The following ALOX12B variants were observed in gnomAD, a reference collection of about 807,000 sequenced individuals.
ALOX12B encodes the protein arachidonate 12-lipoxygenase, 12R-type.
In ALOX12B, 47 loss-of-function variants were observed where a neutral mutation model predicts 78.9. The ratio of observed to expected loss-of-function variants is 0.60; its 90% CI spans 0.47 to 0.76. The LOEUF is 0.76. ALOX12B is among the 30% of genes least tolerant of loss of function. The pLI is 0.00. For synonymous variants in ALOX12B, 370 were observed against 374.5 expected (o/e 0.99, Z 0.14); for missense variants, 805 against 922.6 (o/e 0.87, Z 1.65).
rs1230464144 is a variant in ALOX12B at position 8,079,844 on chromosome 17, T to C, written c.852A>G (p.Pro284=). 1.2e-6 allele frequency: 2 copies of C among 1,613,468 alleles called. No individual in the cohort carries two copies. The highest frequency in any genetic ancestry group is 1.7e-6 in the Non-Finnish European group (2 of 1,179,972). ...TGTCGTCTGTGACGGGGAACTTGTC[T>C]GGGATCCGCGTGCAGCGGCGGATCA... ...PGLIRRCTRI[P]DKFPVTDDMV... Residue 284 remains proline, a synonymous_variant, in exon 7 of 15, where the codon CCA becomes CCG. Coordinates refer to ENST00000647874, the MANE Select transcript of ALOX12B (RefSeq NM_001139.3). This position sits in a 1 kb window ranked among gnomAD's most constrained non-coding sequence, Gnocchi z 6.4.
Position 8,079,443 on chromosome 17 carries a change from G to A in ALOX12B, c.1024C>T (p.Leu342=). Residue 342 remains leucine (L), a synonymous_variant, in exon 8 of 15, where the codon CTG becomes TTG. Transcript: ENST00000647874. The surrounding 1 kb of genome is among the most constrained non-coding windows in gnomAD (Gnocchi z 6.4). ...TTGCCCTCGGGTCCAAAGTGCAGCA[G>A]GCAGAGGGGGGCGCAGTGGTGCTGC... is the stretch of plus-strand genomic sequence containing the variant. The part of the protein sequence containing the change: ...RKQHHCAPLC[L]LHFGPEGKMM... 1 of 1,551,252 alleles carries A rather than the reference G, an allele frequency of 6.4e-7. No homozygotes were observed. The highest frequency in any genetic ancestry group is 8.7e-7 in the Non-Finnish European group (1 of 1,147,080).
In ALOX12B at chr17:8,081,180, T is replaced by A; in HGVS notation, c.360A>T (p.Thr120=). 6.2e-7 allele frequency: 1 copy of A among 1,613,990 alleles called. No homozygotes were observed. The highest frequency in any genetic ancestry group is 1.1e-5 in the South Asian group (1 of 91,070). ...GGACGGGGAGCGAGTCATCTGCTGT[T>A]GTCTTTCCTGTAGGGAGACCAAGGA... The part of the protein sequence containing the change: ...TLALREATGK[T]TADDSLPVLL... The change falls in exon 3 of 15, where the codon ACA becomes ACT. Residue 120 remains threonine, a synonymous_variant. Transcript: ENST00000647874.
chr17:8,080,685 G>A lies in ALOX12B; in HGVS notation c.623C>T (p.Ala208Val). Residue 208 changes from alanine (A) to valine (V), a missense_variant, in exon 5 of 15, where the codon GCC becomes GTC. Physicochemically the swap from Ala to Val is moderately conservative, Grantham distance 64 (BLOSUM62 0). Coordinates refer to ENST00000647874, the MANE Select transcript of ALOX12B (RefSeq NM_001139.3). This position sits in a 1 kb window ranked among gnomAD's most constrained non-coding sequence, Gnocchi z 4.8. The part of the protein sequence containing the change: ...LNLRYSFLKT[A>V]SFFVRLGPMA... Reference sequence around the variant, plus strand: ...GGGCCCCAGGCGGACGAAGAAGGAGGCCGTCTTGAGGAAGGAGTAGCGGAG... The same window carrying A: ...GGGCCCCAGGCGGACGAAGAAGGAGACCGTCTTGAGGAAGGAGTAGCGGAG... 1 of 1,614,172 alleles carries A rather than the reference G, an allele frequency of 6.2e-7. No individual in the cohort carries two copies. Among genetic ancestry groups the A allele is most frequent in the African/African-American group, 1.3e-5 (1 of 75,038 alleles).
At chr17:8,076,033 A>C in intron 11 of ALOX12B, 142 bp downstream of exon 11, 1 of 1,145,036 alleles carries the variant, frequency 8.7e-7, no homozygotes, top group Non-Finnish European at 1.3e-6. Context: ...TGTGATGGAC[A>C]CACAGACCCC....
intron 9 of ALOX12B, 52 bp downstream of exon 9, chr17:8,076,938 G>C (rs1329408359): frequency 1.3e-6 from 2 of 1,578,958 alleles, no homozygotes; most frequent in African/African-American, 2.7e-5. Context: ...GTTTTCGGAG[G>C]CCAGGTGAGG....
Position 8,073,246 on chromosome 17 carries a change from T to G in ALOX12B, c.1828A>C (p.Thr610Pro). Residue 610 changes from threonine (T) to proline (P), a missense_variant, in exon 14 of 15, where the codon ACC (threonine) becomes CCC (proline). By Grantham distance (38) the Thr-to-Pro change is conservative. Transcript: ENST00000647874. ...RNPPIQTKGL[T>P]TLETFMDTLP... ...GTGTCCATGAAGGTCTCCAGAGTGG[T>G]CAGCCCCTTAGTCTGAATCGGTGGA... 6.2e-7 allele frequency: 1 copy of G among 1,614,164 alleles called. No individual in the cohort carries two copies. The highest frequency in any genetic ancestry group is 8.5e-7 in the Non-Finnish European group (1 of 1,180,034).
rs774989155 is a variant in ALOX12B, at chr17:8,087,411, C to G, written c.32G>C (p.Gly11Ala). Residue 11 changes from glycine (G) to alanine (A), a missense_variant, in exon 1 of 15, where the codon GGC (glycine) becomes GCC (alanine). Physicochemically the swap from Gly to Ala is moderately conservative, Grantham distance 60. Transcript: ENST00000647874. MATYKVRVAT[G>A]TDLLSGTRDS... ...CCGTGTTCCCGACAAGAGGTCGGTG[C>G]CTGTGGCCACCCTGACTTTGTAGGT... 3.1e-6 allele frequency: 5 copies of G among 1,614,114 alleles called. No individual in the cohort carries two copies. The highest frequency in any genetic ancestry group is 1.3e-5 in the African/African-American group (1 of 74,932).
intron 2 of ALOX12B, chr17:8,081,593 A>C: frequency 7.1e-6 from 2 of 282,524 alleles, no homozygotes; most frequent in Non-Finnish European, 7.2e-6. Context: ...ACCCCCTCCC[A>C]TCCTCTCACC....
chr17:8,080,979 G>A lies in ALOX12B; in HGVS notation c.435-3C>T, dbSNP rs369349475. 1.2e-6 allele frequency: 2 copies of A among 1,613,868 alleles called. No individual in the cohort carries two copies. Among genetic ancestry groups the A allele is most frequent in the Non-Finnish European group, 1.7e-6 (2 of 1,180,018 alleles). On this transcript the variant is annotated splice_region_variant and splice_polypyrimidine_tract_variant and intron_variant, in intron 3 of 14. Transcript: ENST00000647874. The surrounding 1 kb of genome is among the most constrained non-coding windows in gnomAD (Gnocchi z 4.8). ...GGCCAGGAAGAAAGACTCGCCAGCT[G>A]CAAGGGAAACCGAGATGTCACCCTC...
intron 1 of ALOX12B, among the ~76,000 whole-genome samples, chr17:8,086,661 C>G (rs1345430622): frequency 6.6e-6 from 1 of 152,208 alleles, no homozygotes; most frequent in East Asian, 1.9e-4. Context: ...GGTCGCCTAG[C>G]AGCAGGTGGC....
At chr17:8,075,237 G>T (rs951893878) in intron 12 of ALOX12B, among the ~76,000 whole-genome samples, 3 of 152,194 alleles carry the variant, frequency 2.0e-5, no homozygotes, top group Non-Finnish European at 4.4e-5. Flanking sequence ...TCCTGGAGCT[G>T]CCAGCTCCCT....
intron 14 of ALOX12B, 23 bp from the exon 15 acceptor site, chr17:8,072,973 C>T (rs779863977): frequency 6.2e-7 from 1 of 1,607,114 alleles, no homozygotes; most frequent in Non-Finnish European, 8.5e-7. Context: ...AGCTCGACAG[C>T]TGGGACCAGG....
At chr17:8,085,457 A>C (rs1403125565) in intron 2 of ALOX12B, among the ~76,000 whole-genome samples, 2 of 152,206 alleles carry the variant, frequency 1.3e-5, no homozygotes, top group Non-Finnish European at 2.9e-5. Flanking sequence ...CAAAAAAAGA[A>C]AGCCAGGGCG....
chr17:8,078,902 T>C (rs1335063306), intron 8 of ALOX12B, among the ~76,000 whole-genome samples: 2 of 150,284 alleles, frequency 1.3e-5, no homozygotes, highest in Non-Finnish European at 3.0e-5. Context: ...GACTTTTTTT[T>C]TTTTTTTTTT....
chr17:8,073,484 G>C (rs147760016), intron 13 of ALOX12B, among the ~76,000 whole-genome samples, 166 bp from the exon 14 acceptor site: 1 of 152,168 alleles, frequency 6.6e-6, no homozygotes, highest in Non-Finnish European at 1.5e-5. Context: ...GTGTGGGGCT[G>C]GGGCTGAGAG....
intron 1 of ALOX12B, among the ~76,000 whole-genome samples, chr17:8,086,526 C>A (rs1978299125): frequency 6.6e-6 from 1 of 152,210 alleles, no homozygotes; most frequent in African/African-American, 2.4e-5. Flanking sequence ...ACCCTTCAGA[C>A]CCCTGGGGAC....
At position 8,080,593 on chromosome 17, in the gene ALOX12B, A is replaced by G; in HGVS notation, c.650+65T>C. 1 of 1,611,778 alleles carries G rather than the reference A, an allele frequency of 6.2e-7. No homozygotes were observed. The highest frequency in any genetic ancestry group is 1.7e-5 in the Admixed American group (1 of 59,814). On this transcript the variant is annotated intron_variant, in intron 5 of 14. Transcript: ENST00000647874. This position sits in a 1 kb window ranked among gnomAD's most constrained non-coding sequence, Gnocchi z 4.8. ...CTCTGGGGCTGTCTTGGAGGCCGCC[A>G]AGGTTGGGGGAGAGGGAAAGTTCTT...
rs374767138 is a variant in ALOX12B, at chr17:8,086,148, A to G, written c.220T>C (p.Tyr74His). Reference protein sequence around the residue: ...LIIIRLHKERYAFFPKDPWYC... With the variant: ...LIIIRLHKERHAFFPKDPWYC... ...CAAGGGTCCTTGGGGAAGAAGGCGT[A>G]CCGCTCTTTGTGCAGGCGGATGATG... Residue 74 changes from tyrosine to histidine, a missense_variant, in exon 2 of 15, where the codon TAC (tyrosine) becomes CAC (histidine). Tyr to His is a moderately conservative substitution (Grantham distance 83, BLOSUM62 2). Transcript: ENST00000647874. The G allele has an allele frequency of 1.2e-6, 2 of 1,614,002 alleles. No homozygotes were observed. Among genetic ancestry groups the G allele is most frequent in the African/African-American group, 2.7e-5 (2 of 74,916 alleles).
rs1977011832 is a variant in ALOX12B at position 8,072,944 on chromosome 17, G to T, written c.1933C>A (p.Leu645Met). ...AAGTGAATGTCCGGGAAGTGTCCCA[G>T]GGGCCGCTGCGGGCAGAGAGCTCGA... Reference protein sequence around the residue: ...LSREPDDRRPLGHFPDIHFVE... With the variant: ...LSREPDDRRPMGHFPDIHFVE... Residue 645 changes from leucine (L) to methionine (M), a missense_variant, in exon 15 of 15, where the codon CTG becomes ATG. Transcript: ENST00000647874. 1.2e-6 allele frequency: 2 copies of T among 1,611,338 alleles called. No individual in the cohort carries two copies. The highest frequency in any genetic ancestry group is 2.7e-5 in the African/African-American group (2 of 74,866).
Sources: allele counts gnomAD v4.1 joint callset (sites outside exome capture counted in the v4.1 genomes callset), GRCh38; gene constraint gnomAD v4.1.1; non-coding constraint Gnocchi (gnomAD v3.1); transcripts MANE v1.5; gene names NCBI Gene and HGNC (gene_info 2026-07-23, HGNC 2026-07-21).